Variants in BEND7 observed in about 807,000 individuals in gnomAD.
BEND7 encodes BEN domain containing 7.
Under a neutral mutation model 50.9 loss-of-function variants are expected in BEND7, and 28 were observed. That is an observed-to-expected ratio of 0.55 (90% confidence interval 0.41 to 0.75). BEND7 has a LOEUF of 0.75. Among genes scored for constraint, BEND7 ranks in the 30% least tolerant of loss-of-function variants. The probability of loss-of-function intolerance (pLI) is 0.00; values close to 1 mark genes in which losing one functional copy is unlikely to be tolerated. For missense variants in BEND7, 477 were observed against 491.3 expected (o/e 0.97, Z 0.28); for synonymous variants, 170 against 183.9 (o/e 0.92, Z 0.61).
At chr10:13,498,075 T>TC (rs1265982244) in intron 3 of BEND7, among the ~76,000 whole-genome samples, 29 of 91,050 alleles carry the variant, frequency 3.2e-4, no homozygotes, top group African/African-American at 1.2e-3. Flanking sequence ...CTTTTTCTTT[T>TC]TTTTTTTTTT....
intron 2 of BEND7, among the ~76,000 whole-genome samples, chr10:13,509,953 T>G (rs1285018589): frequency 2.6e-5 from 4 of 152,218 alleles, no homozygotes; most frequent in African/African-American, 9.7e-5. Context: ...GCTCTTACAT[T>G]GTGGAAAGCA....
chr10:13,518,301 G>GCAGGCTC (rs1564413852), intron 2 of BEND7, among the ~76,000 whole-genome samples: 4 of 152,222 alleles, frequency 2.6e-5, no homozygotes. Flanking sequence ...GCTGCAGGCT[G>GCAGGCTC]CATGTCAGCC....
chr10:13,455,736 C>T (rs916144692), intron 6 of BEND7, among the ~76,000 whole-genome samples: 43 of 152,170 alleles, frequency 2.8e-4, no homozygotes, highest in Middle Eastern at 3.4e-3. Flanking sequence ...TCTGAACCCA[C>T]GGAAAGGGAA....
chr10:13,464,630 C>T (rs2074045164), intron 6 of BEND7, among the ~76,000 whole-genome samples: 1 of 152,094 alleles, frequency 6.6e-6, no homozygotes, highest in Non-Finnish European at 1.5e-5. Flanking sequence ...TGTTTTAAAT[C>T]TTAGGGGAAG....
chr10:13,529,158 G>A (rs2132876369), upstream of BEND7, among the ~76,000 whole-genome samples: 1 of 144,538 alleles, frequency 6.9e-6, no homozygotes. Context: ...GCCTGGCCGC[G>A]CGGCGCCCCG....
At chr10:13,438,790 C>A, downstream of BEND7, 1 of 191,568 alleles carries the variant, frequency 5.2e-6, no homozygotes. Flanking sequence ...CAATGGGATA[C>A]AGCGGAAAGG....
chr10:13,441,372 A>G lies in BEND7; in HGVS notation c.*371T>C. ...AACAGTAGTCACAGTAAGTAAACACAATTTTAATTTACAAAATATGATTTT... is the reference window on the plus strand; with the variant it reads ...AACAGTAGTCACAGTAAGTAAACACGATTTTAATTTACAAAATATGATTTT... On this transcript the variant is annotated 3_prime_UTR_variant, in exon 9 of 9. Transcript: ENST00000466271. 1.9e-6 allele frequency: 2 copies of G among 1,063,582 alleles called. No individual in the cohort carries two copies. Among genetic ancestry groups the G allele is most frequent in the Middle Eastern group, 4.3e-4 (1 of 2,350 alleles). 65.9% of individuals were successfully genotyped at this position (1,063,582 alleles called of 1,614,324 possible). A position where few individuals can be genotyped will look rare whatever the true frequency, so the allele number is the denominator to read the frequency against.
At chr10:13,522,022 T>C (rs2079110722) in intron 2 of BEND7, among the ~76,000 whole-genome samples, 1 of 152,222 alleles carries the variant, frequency 6.6e-6, no homozygotes, top group Non-Finnish European at 1.5e-5. Context: ...TCAGCTGGCA[T>C]GGCTGCCACA....
chr10:13,465,665 ATTATT>A (rs1237586117), intron 6 of BEND7, among the ~76,000 whole-genome samples: 9 of 152,120 alleles, frequency 5.9e-5, no homozygotes, highest in East Asian at 1.9e-4. Context: ...TTTTATTATT[ATTATT>A]TTAACTGGAG....
At chr10:13,460,070 A>C (rs4750361) in intron 6 of BEND7, 25,312 of 152,262 alleles carry the variant, frequency 0.17, 2,941 homozygotes, top group African/African-American at 0.33. Context: ...GAATGGCAGG[A>C]GATGAAGAAA....
rs535357852 is a variant in BEND7 at position 13,442,550 on chromosome 10, T to C, written c.1235-800A>G. ...AAATCCAGATTTTCATAAATTAGTT[T>C]TATATAAAGTGGAGGGCAAGTATAC... On this transcript the variant is annotated intron_variant, in intron 8 of 8. Coordinates refer to ENST00000466271, the MANE Select transcript of BEND7 (RefSeq NM_001369863.1). 4 of 152,320 alleles carry C rather than the reference T, an allele frequency of 2.6e-5. 1 individual carries two copies. In the South Asian group the frequency reaches 8.3e-4, roughly 32 times the overall value. The allele number at this position is 152,320 out of a possible 1,614,324, so 9.4% of individuals were successfully genotyped here. A position where few individuals can be genotyped will look rare whatever the true frequency, so the allele number is the denominator to read the frequency against.
At chr10:13,492,539 A>C in intron 5 of BEND7, 72 bp downstream of exon 5, 1 of 1,552,356 alleles carries the variant, frequency 6.4e-7, no homozygotes, top group Non-Finnish European at 8.7e-7. Context: ...TCAAAAGGGA[A>C]ATCTATAAAT....
At chr10:13,528,250 C>T (rs2079553565) in intron 1 of BEND7, among the ~76,000 whole-genome samples, 1 of 151,998 alleles carries the variant, frequency 6.6e-6, no homozygotes, top group Non-Finnish European at 1.5e-5. Flanking sequence ...CCTGAGCTGC[C>T]CTCCGACTTG....
At position 13,446,934 on chromosome 10, in the gene BEND7, C is replaced by T. The variant is rs187246626; in HGVS notation, c.1234+332G>A. 59 of 321,744 alleles carry T rather than the reference C, an allele frequency of 1.8e-4. 1 individual carries two copies. The highest frequency in any genetic ancestry group is 1.3e-3 in the African/African-American group (57 of 45,152). 19.9% of individuals were successfully genotyped at this position (321,744 alleles called of 1,614,324 possible). A position where few individuals can be genotyped will look rare whatever the true frequency, so the allele number is the denominator to read the frequency against. Reference sequence around the variant, plus strand: ...ATTTGATCACACAAAATTAGTGGTCCCCGTTTTAAGGTGAAATCTCATTTC... The same window carrying T: ...ATTTGATCACACAAAATTAGTGGTCTCCGTTTTAAGGTGAAATCTCATTTC... On this transcript the variant is annotated intron_variant, in intron 8 of 8. Coordinates refer to ENST00000466271, the MANE Select transcript of BEND7 (RefSeq NM_001369863.1).
At chr10:13,497,447 G>A (rs889447282) in intron 3 of BEND7, among the ~76,000 whole-genome samples, 2 of 152,214 alleles carry the variant, frequency 1.3e-5, no homozygotes, top group African/African-American at 4.8e-5. Context: ...GAAGCACAGA[G>A]GAGCAGGGAT....
chr10:13,489,393 G>T lies in BEND7; in HGVS notation c.837+3218C>A, dbSNP rs1234287215. Among the ~76,000 whole-genome samples the T allele has an allele frequency of 2.0e-5, 3 of 152,214 alleles. No homozygotes were observed. In the East Asian group the frequency reaches 5.8e-4, roughly 29 times the overall value. On this transcript the variant is annotated intron_variant, in intron 5 of 8. Coordinates refer to ENST00000466271, the MANE Select transcript of BEND7 (RefSeq NM_001369863.1). The stretch of plus-strand genomic sequence containing the variant: ...GAGTGTTCGTCACACACAGGCATTG[G>T]GCTAGAATGGGCACCCGCAAGTCCT...
chr10:13,520,846 A>G (rs771544697), intron 2 of BEND7, among the ~76,000 whole-genome samples: 1 of 152,242 alleles, frequency 6.6e-6, no homozygotes, highest in Non-Finnish European at 1.5e-5. Context: ...GCAACAAGTC[A>G]TACGTGAGAA....
At chr10:13,519,162 C>T (rs1042816309) in intron 2 of BEND7, among the ~76,000 whole-genome samples, 1 of 151,354 alleles carries the variant, frequency 6.6e-6, no homozygotes, top group Non-Finnish European at 1.5e-5. Context: ...ACTTAGTGCC[C>T]AAGTGATCGG....
At position 13,502,646 on chromosome 10, in the gene BEND7, T is replaced by C. The variant is rs150218997; in HGVS notation, c.146-2566A>G. On this transcript the variant is annotated intron_variant, in intron 2 of 8. Transcript: ENST00000466271. Reference sequence around the variant, plus strand: ...GTATTAATTTCAGCAACCAGACACATACGTTCCCGGCTAGTTAACACCACA... The same window carrying C: ...GTATTAATTTCAGCAACCAGACACACACGTTCCCGGCTAGTTAACACCACA... 2.3e-3 allele frequency among the ~76,000 whole-genome samples: 349 copies of C among 152,232 alleles called. 1 individual carries two copies. The highest frequency in any genetic ancestry group is 3.7e-3 in the Non-Finnish European group (254 of 68,008).
Sources: gnomAD v4.1 joint callset for allele counts (sites outside exome capture counted in the v4.1 genomes callset) on GRCh38, gnomAD v4.1.1 for gene constraint, MANE v1.5 for transcripts, NCBI Gene and HGNC (gene_info 2026-07-23, HGNC 2026-07-21) for gene names.